Variants in NLRP12 observed in about 807,000 individuals in gnomAD.
NLRP12 encodes the protein NLR family pyrin domain containing 12, also known as NACHT, LRR and PYD domains-containing protein 12.
NLRP12 carries 108 observed loss-of-function variants against 91.2 expected under a neutral mutation model. The ratio of observed to expected loss-of-function variants is 1.18; its 90% CI spans 1.01 to 1.39. The LOEUF (loss-of-function observed/expected upper bound fraction) is 1.39, where lower values mean the gene tolerates loss of function less well. Among genes scored for constraint, NLRP12 ranks in the 40% most tolerant of loss-of-function variants. The probability of loss-of-function intolerance (pLI) is 0.00; values close to 1 mark genes in which losing one functional copy is unlikely to be tolerated. For synonymous variants in NLRP12, 613 were observed against 566.7 expected, an observed-to-expected ratio of 1.08 and a Z score of -1.16; for missense variants, 1,530 against 1,352.7, an observed-to-expected ratio of 1.13 and a Z score of -2.06.
intron 7 of NLRP12, among the ~76,000 whole-genome samples, chr19:53,800,003 A>T (rs2091840308): frequency 6.6e-6 from 1 of 152,074 alleles, no homozygotes; most frequent in Admixed American, 6.6e-5. Flanking sequence ...GTCCCTACAA[A>T]AAATAAATAA....
At chr19:53,803,797 C>T in intron 6 of NLRP12, 155 bp downstream of exon 6, 6 of 725,668 alleles carry the variant, frequency 8.3e-6, no homozygotes, top group South Asian at 3.0e-5. Flanking sequence ...TGGTCTCGAA[C>T]TCCTGACCTC....
At position 53,815,702 on chromosome 19, in the gene NLRP12, G is replaced by A. The variant is rs147153443; in HGVS notation, c.290-714C>T. Among the ~76,000 whole-genome samples, 369 of 152,034 alleles carry A rather than the reference G, an allele frequency of 2.4e-3. 2 individuals are homozygous for A. Among genetic ancestry groups the A allele is most frequent in the African/African-American group, 8.1e-3 (335 of 41,452 alleles). On this transcript the variant is annotated intron_variant, in intron 1 of 9. Coordinates refer to ENST00000324134, the MANE Select transcript of NLRP12 (RefSeq NM_144687.4). ...TGGCTCACTGCAACCTCTGCCTCCC[G>A]GGTTCAAGTGATTCTCCTGCCTCAG...
rs865842774 is a variant in NLRP12 at position 53,801,535 on chromosome 19, C to T, written c.2586-138G>A. 23 of 1,186,188 alleles carry T rather than the reference C, an allele frequency of 1.9e-5. No individual in the cohort carries two copies. In the South Asian group the frequency reaches 2.5e-4, roughly 13 times the overall value. The allele number at this position is 1,186,188 out of a possible 1,614,324, so 73.5% of individuals were successfully genotyped here. A position where few individuals can be genotyped will look rare whatever the true frequency, so the allele number is the denominator to read the frequency against. ...GGTGCAATCTCGGCTCAGCTGCATCCTCCACCTCCCATGTTCAAGCGATTC... is the reference window on the plus strand; with the variant it reads ...GGTGCAATCTCGGCTCAGCTGCATCTTCCACCTCCCATGTTCAAGCGATTC... On this transcript the variant is annotated intron_variant, in intron 6 of 9. Transcript: ENST00000324134.
Position 53,810,141 on chromosome 19 carries a change from A to C in NLRP12, c.1518T>G (p.Cys506Trp), listed in dbSNP as rs757697839. The C allele has an allele frequency of 1.2e-6, 2 of 1,613,982 alleles. No homozygotes were observed. Among genetic ancestry groups the C allele is most frequent in the Non-Finnish European group, 1.7e-6 (2 of 1,179,896 alleles). Reference protein sequence around the residue: ...NMNIFQKDINCERYYSFIHLS... With the variant: ...NMNIFQKDINWERYYSFIHLS... The stretch of plus-strand genomic sequence containing the variant: ...AGTGGATGAAGCTGTAGTACCTCTC[A>C]CAGTTGATGTCCTTCTGGAAGATGT... The change falls in exon 3 of 10, where the codon TGT (cysteine) becomes TGG (tryptophan). Residue 506 changes from cysteine to tryptophan, a missense_variant. Transcript: ENST00000324134.
Position 53,810,171 on chromosome 19 carries a change from G to A in NLRP12, c.1488C>T (p.Asn496=). ...TGATGTCCTTCTGGAAGATGTTCAT[G>A]TTGAGGAAGGCAGAGACGTCTTCCC... ...LDGEDVSAFL[N]MNIFQKDINC... is the part of the protein sequence containing the mutation. Residue 496 remains asparagine (N), a synonymous_variant, in exon 3 of 10, where the codon AAC becomes AAT. Transcript: ENST00000324134. 6.2e-7 allele frequency: 1 copy of A among 1,614,194 alleles called. No homozygotes were observed. The highest frequency in any genetic ancestry group is 1.1e-5 in the South Asian group (1 of 91,090).
intron 1 of NLRP12, among the ~76,000 whole-genome samples, chr19:53,823,419 T>TA (rs2092292206): frequency 4.6e-5 from 5 of 108,744 alleles, no homozygotes; most frequent in Non-Finnish European, 8.6e-5. Flanking sequence ...ATATATGTTT[T>TA]AAATATATAT....
Position 53,819,451 on chromosome 19 carries a change from A to ATGTGTGTGTG in NLRP12, c.289+4434_289+4435insCACACACACA, listed in dbSNP as rs1463710304. 3.0e-3 allele frequency among the ~76,000 whole-genome samples: 32 copies of ATGTGTGTGTG among 10,718 alleles called. 4 individuals are homozygous for ATGTGTGTGTG. The highest frequency in any genetic ancestry group is 6.2e-3 in the Non-Finnish European group (28 of 4,486). 7.0% of individuals were successfully genotyped at this position (10,718 alleles called of 152,430 possible). A position where few individuals can be genotyped will look rare whatever the true frequency, so the allele number is the denominator to read the frequency against. The stretch of plus-strand genomic sequence containing the variant: ...TATATATATATATATATATATATAT[A>ATGTGTGTGTG]TATATATGTGTGTGTGTGTGTGTGT... On this transcript the variant is annotated intron_variant, in intron 1 of 9. Transcript: ENST00000324134.
At chr19:53,819,597 A>ATATG (rs1392788621) in intron 1 of NLRP12, among the ~76,000 whole-genome samples, 16,399 of 67,634 alleles carry the variant, frequency 0.24, 4,669 homozygotes, top group African/African-American at 0.29. Flanking sequence ...ATACGTATAT[A>ATATG]CGCATATATA....
chr19:53,809,699 G>A lies in NLRP12; in HGVS notation c.1960C>T (p.Leu654=). The part of the protein sequence containing the change: ...KMEHMVSSFC[L]KRCRSAQVLH... ...ACCTGGGCGCTCCTGCAGCGCTTCA[G>A]ACAGAACGAGGAGACCATGTGCTCC... The change falls in exon 3 of 10, where the codon CTG becomes TTG. Residue 654 remains leucine, a synonymous_variant. Transcript: ENST00000324134. The A allele has an allele frequency of 3.1e-6, 5 of 1,614,120 alleles. No homozygotes were observed. The highest frequency in any genetic ancestry group is 2.2e-5 in the East Asian group (1 of 44,860).
rs199476241 is a variant in NLRP12 at position 53,815,064 on chromosome 19, T to C, written c.290-76A>G. On this transcript the variant is annotated intron_variant, in intron 1 of 9. Transcript: ENST00000324134. ...CCGCGTCATATTAGCTGCGATTACG[T>C]CGAAATGCCTGCATAACTCCCTGGT... 8.3e-6 allele frequency: 9 copies of C among 1,086,252 alleles called. No homozygotes were observed. The highest frequency in any genetic ancestry group is 4.6e-5 in the African/African-American group (3 of 64,760). The allele number at this position is 1,086,252 out of a possible 1,614,324, so 67.3% of individuals were successfully genotyped here. A position where few individuals can be genotyped will look rare whatever the true frequency, so the allele number is the denominator to read the frequency against.
rs758740079 is a variant in NLRP12, at chr19:53,809,955, G to A, written c.1704C>T (p.Asn568=). Residue 568 remains asparagine (N), a synonymous_variant, in exon 3 of 10, where the codon AAC becomes AAT. Transcript: ENST00000324134. ...LTSRFLFGLL[N]EETRSHLEKS... The stretch of plus-strand genomic sequence containing the variant: ...TCTCCAGGTGGCTCCTGGTCTCCTC[G>A]TTCAGGAGTCCAAACAGGAAGCGGC... The A allele has an allele frequency of 2.5e-6, 4 of 1,614,098 alleles. No homozygotes were observed. Among genetic ancestry groups the A allele is most frequent in the East Asian group, 2.2e-5 (1 of 44,864 alleles).
chr19:53,810,390 C>T lies in NLRP12; in HGVS notation c.1269G>A (p.Leu423=), dbSNP rs760032863. ...CLQQQLEGGG[L]LRQTSRTTTA... ...TGGTGGTCCTGGACGTCTGTCTCAA[C>T]AGCCCCCCACCCTCCAGCTGCTGCT... The change falls in exon 3 of 10, where the codon CTG becomes CTA. Residue 423 remains leucine (L), a synonymous_variant. Transcript: ENST00000324134. The T allele has an allele frequency of 3.7e-6, 6 of 1,613,712 alleles. No homozygotes were observed. Among genetic ancestry groups the T allele is most frequent in the Non-Finnish European group, 4.2e-6 (5 of 1,180,016 alleles).
At chr19:53,803,485 C>A (rs978282837) in intron 6 of NLRP12, among the ~76,000 whole-genome samples, 1 of 151,312 alleles carries the variant, frequency 6.6e-6, no homozygotes, top group South Asian at 2.1e-4. Flanking sequence ...CGGCCCATCT[C>A]TGGAACTTTT....
chr19:53,807,562 C>A lies in NLRP12; in HGVS notation c.2176G>T (p.Gly726Cys). Residue 726 changes from glycine (G) to cysteine (C), a missense_variant, in exon 4 of 10, where the codon GGC (glycine) becomes TGC (cysteine). Physicochemically the swap from Gly to Cys is radical, Grantham distance 159 (BLOSUM62 -3). Transcript: ENST00000324134. ...IELSLYRNAL[G>C]SRGVKLLCQG... Reference sequence around the variant, plus strand: ...CAGAGCAGCTTCACCCCCCGGCTGCCCAGGGCATTTCGGTACAGAGACAGC... The same window carrying A: ...CAGAGCAGCTTCACCCCCCGGCTGCACAGGGCATTTCGGTACAGAGACAGC... 1 of 1,614,070 alleles carries A rather than the reference C, an allele frequency of 6.2e-7. No individual in the cohort carries two copies. The highest frequency in any genetic ancestry group is 8.5e-7 in the Non-Finnish European group (1 of 1,180,020).
chr19:53,809,533 A>AAC, intron 3 of NLRP12, 54 bp downstream of exon 3: 5 of 1,416,080 alleles, frequency 3.5e-6, no homozygotes, highest in Non-Finnish European at 3.8e-6. Flanking sequence ...AAAAAAAAAA[A>AAC]AAAAAAAACA....
intron 7 of NLRP12, among the ~76,000 whole-genome samples, chr19:53,799,987 G>A (rs2122549407): frequency 6.6e-6 from 1 of 152,004 alleles, no homozygotes; most frequent in Non-Finnish European, 1.5e-5. Flanking sequence ...AACAAATCGA[G>A]ACCTTGTCCC....
intron 8 of NLRP12, 54 bp downstream of exon 8, chr19:53,798,189 C>A: frequency 1.3e-6 from 2 of 1,576,508 alleles, no homozygotes; most frequent in East Asian, 4.5e-5. Flanking sequence ...GATGAGAAGG[C>A]GCTTCCACTG....
intron 8 of NLRP12, 126 bp from the exon 9 acceptor site, chr19:53,796,155 C>T (rs2091755586): frequency 1.2e-6 from 1 of 867,264 alleles, no homozygotes; most frequent in African/African-American, 1.7e-5. Context: ...CAACCTCCGC[C>T]TCCCAGGTTC....
intron 4 of NLRP12, among the ~76,000 whole-genome samples, chr19:53,806,865 TA>T (rs199586270): frequency 9.9e-4 from 136 of 137,632 alleles, no homozygotes; most frequent in Middle Eastern, 3.7e-3. Flanking sequence ...CTCAAAAATT[TA>T]AAAAAAAAAA....
Sources: allele counts gnomAD v4.1 joint callset (sites outside exome capture counted in the v4.1 genomes callset), GRCh38; gene constraint gnomAD v4.1.1; transcripts MANE v1.5; gene names NCBI Gene and HGNC (gene_info 2026-07-23, HGNC 2026-07-21).